CDH12: variants seen among roughly 807,000 people sequenced by gnomAD.
The protein encoded by CDH12 is cadherin 12.
In CDH12, 41 loss-of-function variants were observed where a neutral mutation model predicts 74.1. The observed-to-expected ratio is 0.55, with a 90% CI of 0.43 to 0.72. CDH12 has a LOEUF of 0.72. Ranked by LOEUF, CDH12 falls within the 30% of genes least tolerant of loss-of-function variation. The probability of loss-of-function intolerance (pLI) is 0.00; values close to 1 mark genes in which losing one functional copy is unlikely to be tolerated. For missense variants in CDH12, 945 were observed against 977.2 expected (o/e 0.97, Z 0.44); for synonymous variants, 399 against 355.0 (o/e 1.12, Z -1.39).
chr5:22,680,621 T>C (rs1220072624), intron 1 of CDH12, among the ~76,000 whole-genome samples: 1 of 152,044 alleles, frequency 6.6e-6, no homozygotes, highest in East Asian at 1.9e-4. Flanking sequence ...TGAACCAGGT[T>C]ATAGTGTGAG....
chr5:22,333,250 G>T (rs1414963324), intron 3 of CDH12, among the ~76,000 whole-genome samples: 1 of 151,914 alleles, frequency 6.6e-6, no homozygotes, highest in Non-Finnish European at 1.5e-5. Flanking sequence ...TCACTCATAA[G>T]TTGGAGTTGA....
chr5:22,598,693 C>T (rs903090937), intron 1 of CDH12, among the ~76,000 whole-genome samples: 8 of 152,072 alleles, frequency 5.3e-5, no homozygotes, highest in African/African-American at 1.7e-4. Flanking sequence ...ATAGTAAAGC[C>T]TCTTGTTTGT....
chr5:22,638,622 T>A (rs1423714958), intron 1 of CDH12: 1 of 152,346 alleles, frequency 6.6e-6, no homozygotes, highest in Non-Finnish European at 1.5e-5. Flanking sequence ...GGAACAATAC[T>A]TTGCATCCTC....
intron 4 of CDH12, among the ~76,000 whole-genome samples, chr5:22,081,851 C>T (rs565757678): frequency 4.7e-4 from 72 of 152,306 alleles, no homozygotes; most frequent in African/African-American, 1.7e-3. Flanking sequence ...ACATCACTTT[C>T]CATCTGTTGA....
At chr5:22,680,837 G>A (rs1370828647) in intron 1 of CDH12, among the ~76,000 whole-genome samples, 1 of 151,634 alleles carries the variant, frequency 6.6e-6, no homozygotes, top group Non-Finnish European at 1.5e-5. Context: ...GTGTTGCTCT[G>A]GAAAGTTTCA....
chr5:22,484,872 C>T (rs1189019780), intron 2 of CDH12, among the ~76,000 whole-genome samples: 1 of 151,950 alleles, frequency 6.6e-6, no homozygotes, highest in East Asian at 1.9e-4. Flanking sequence ...TATAGTAGAA[C>T]AATAACAACA....
At chr5:22,138,842 C>CGT (rs1746607393) in intron 4 of CDH12, among the ~76,000 whole-genome samples, 1 of 39,090 alleles carries the variant, frequency 2.6e-5, no homozygotes, top group African/African-American at 9.2e-5. Flanking sequence ...TACATATATA[C>CGT]GTAATATATA....
At chr5:22,638,188 A>T (rs1036846160) in intron 1 of CDH12, among the ~76,000 whole-genome samples, 7 of 152,168 alleles carry the variant, frequency 4.6e-5, no homozygotes, top group African/African-American at 1.7e-4. Flanking sequence ...AACTGGAGTT[A>T]ATTAAGGAGT....
At chr5:22,348,317 G>A (rs191809733) in intron 3 of CDH12, among the ~76,000 whole-genome samples, 9 of 152,150 alleles carry the variant, frequency 5.9e-5, no homozygotes, top group African/African-American at 2.2e-4. Context: ...TAGCAGAGAG[G>A]TTATTGTCAG....
At chr5:21,819,785 G>T (rs957053099) in intron 8 of CDH12, among the ~76,000 whole-genome samples, 4 of 151,968 alleles carry the variant, frequency 2.6e-5, no homozygotes, top group Admixed American at 2.6e-4. Context: ...AGCAGTGGGA[G>T]TGGTAAGGGT....
At chr5:21,959,698 A>G (rs1756260175) in intron 6 of CDH12, among the ~76,000 whole-genome samples, 2 of 149,862 alleles carry the variant, frequency 1.3e-5, no homozygotes, top group African/African-American at 4.9e-5. Flanking sequence ...TTACCAGGTC[A>G]GGAGATCGAG....
intron 6 of CDH12, among the ~76,000 whole-genome samples, chr5:21,962,090 C>G (rs565155434): frequency 2.2e-3 from 330 of 152,112 alleles, no homozygotes; most frequent in Non-Finnish European, 3.6e-3. Context: ...TACATGTATT[C>G]CTGTTGATTT....
chr5:22,415,308 C>T (rs1404664958), intron 2 of CDH12, among the ~76,000 whole-genome samples: 1 of 152,088 alleles, frequency 6.6e-6, no homozygotes, highest in Non-Finnish European at 1.5e-5. Context: ...AACAAGCTGT[C>T]CACAGTATTA....
At chr5:22,525,546 G>A (rs1737231319) in intron 1 of CDH12, among the ~76,000 whole-genome samples, 1 of 145,006 alleles carries the variant, frequency 6.9e-6, no homozygotes, top group Non-Finnish European at 1.5e-5. Flanking sequence ...GAGAGGGAGG[G>A]AGGGAGGGAA....
intron 3 of CDH12, among the ~76,000 whole-genome samples, chr5:22,269,834 G>A (rs556417759): frequency 6.6e-6 from 1 of 152,212 alleles, no homozygotes; most frequent in African/African-American, 2.4e-5. Flanking sequence ...TAAAAATACA[G>A]ACATTTGTAC....
rs866170140 is a variant in CDH12 at position 22,740,246 on chromosome 5, T to C, written c.-523+112812A>G. ...GATTCCTTAGTTTTATACCATTTAC[T>C]TTACATAACGTGGATCTTACTAGCT... On this transcript the variant is annotated intron_variant, in intron 1 of 14. Coordinates refer to ENST00000382254, the MANE Select transcript of CDH12 (RefSeq NM_004061.5). 2.0e-4 allele frequency among the ~76,000 whole-genome samples: 30 copies of C among 152,200 alleles called. No homozygotes were observed. In the South Asian group the frequency reaches 2.3e-3, roughly 12 times the overall value.
Position 22,267,129 on chromosome 5 carries a change from T to A in CDH12, c.-332-54486A>T, listed in dbSNP as rs147245244. 1.8e-3 allele frequency among the ~76,000 whole-genome samples: 279 copies of A among 152,294 alleles called. 2 individuals are homozygous for A. In the East Asian group the frequency reaches 0.023, roughly 13 times the overall value. ...CCTAGTGTATTCAAAGCTCTTTTGC[T>A]TTACAGTTATCTTAGGGCTATTAAT... On this transcript the variant is annotated intron_variant, in intron 3 of 14. Transcript: ENST00000382254.
At chr5:22,209,971 C>T (rs1185950271) in intron 4 of CDH12, among the ~76,000 whole-genome samples, 1 of 151,060 alleles carries the variant, frequency 6.6e-6, no homozygotes, top group East Asian at 2.0e-4. Flanking sequence ...GTTACATATG[C>T]TCTCTCAGAT....
rs887511426 is a variant in CDH12 at position 22,140,479 on chromosome 5, C to T, written c.-186-61617G>A. Among the ~76,000 whole-genome samples the T allele has an allele frequency of 2.6e-5, 4 of 152,028 alleles. No homozygotes were observed. In the East Asian group the frequency reaches 7.8e-4, roughly 30 times the overall value. On this transcript the variant is annotated intron_variant, in intron 4 of 14. Transcript: ENST00000382254. ...AAGTTTCCTTTCGCATTCATCCAAT[C>T]CTGTATATTTGTATGTGTTTTTTCA...
Sources: allele counts gnomAD v4.1 joint callset (sites outside exome capture counted in the v4.1 genomes callset), GRCh38; gene constraint gnomAD v4.1.1; transcripts MANE v1.5; gene names NCBI Gene and HGNC (gene_info 2026-07-23, HGNC 2026-07-21).